Variants in CFH observed in about 807,000 individuals in gnomAD.
CFH encodes the protein complement factor H.
Under a neutral mutation model 147.3 loss-of-function variants are expected in CFH, and 53 were observed. The ratio of observed to expected loss-of-function variants is 0.36; its 90% CI spans 0.29 to 0.45. CFH has a LOEUF of 0.45. Among genes scored for constraint, CFH ranks in the 20% least tolerant of loss-of-function variants. The probability of loss-of-function intolerance (pLI) is 1.00; values close to 1 mark genes in which losing one functional copy is unlikely to be tolerated. For missense variants in CFH, 1,380 were observed against 1,498.0 expected (o/e 0.92, Z 1.30); for synonymous variants, 536 against 489.4 (o/e 1.10, Z -1.26).
intron 18 of CFH, chr1:196,741,501 C>T (rs1428169911): frequency 3.5e-6 from 1 of 282,562 alleles, no homozygotes; most frequent in Non-Finnish European, 6.8e-6. Flanking sequence ...CCAATCACTT[C>T]CCACCAGGTC....
At chr1:196,747,017 T>C in intron 21 of CFH, 94 bp from the exon 22 acceptor site, 1 of 1,570,190 alleles carries the variant, frequency 6.4e-7, no homozygotes. Flanking sequence ...AAATAATTCC[T>C]GAACCATCAT....
At chr1:196,702,346 C>G (rs1412767068) in intron 9 of CFH, among the ~76,000 whole-genome samples, 1 of 152,104 alleles carries the variant, frequency 6.6e-6, no homozygotes, top group East Asian at 1.9e-4. Flanking sequence ...GGGAGTCACT[C>G]TGGTTCTGAG....
chr1:196,660,360 T>C (rs542585389), intron 1 of CFH, among the ~76,000 whole-genome samples: 154 of 152,032 alleles, frequency 1.0e-3, no homozygotes, highest in African/African-American at 3.5e-3. Context: ...AGATAAGGGG[T>C]TCCCAAACCA....
intron 9 of CFH, among the ~76,000 whole-genome samples, chr1:196,691,250 C>A (rs1668013615): frequency 6.6e-6 from 1 of 151,914 alleles, no homozygotes; most frequent in African/African-American, 2.4e-5. Flanking sequence ...CCCAATAATT[C>A]ATATATTCAA....
intron 17 of CFH, among the ~76,000 whole-genome samples, chr1:196,737,901 C>T (rs1287294221): frequency 1.3e-5 from 2 of 152,096 alleles, no homozygotes; most frequent in Non-Finnish European, 2.9e-5. Flanking sequence ...TTAAACCTAT[C>T]TGTATTATTC....
At chr1:196,693,190 A>C (rs1668125720) in intron 9 of CFH, among the ~76,000 whole-genome samples, 1 of 152,102 alleles carries the variant, frequency 6.6e-6, no homozygotes, top group South Asian at 2.1e-4. Context: ...GAGAATATGC[A>C]GAAAAAATTA....
At position 196,672,984 on chromosome 1, in the gene CFH, A is replaced by G. The variant is rs767494411; in HGVS notation, c.65A>G (p.Asn22Ser). The change falls in exon 2 of 22, where the codon AAT (asparagine) becomes AGT (serine). Residue 22 changes from asparagine to serine, a missense_variant. Around this residue, in one of 4 missense-constraint regions of CFH, gnomAD observed 260 missense variants for 263.3 expected, o/e 0.99. Coordinates refer to ENST00000367429, the MANE Select transcript of CFH (RefSeq NM_000186.4). ...TTGTTTTTATTGTTTGTAGATTGCA[A>G]TGAACTTCCTCCAAGAAGAAATACA... ...LWAICVAEDC[N>S]ELPPRRNTEI... The G allele has an allele frequency of 1.2e-6, 2 of 1,613,742 alleles. No individual in the cohort carries two copies. Among genetic ancestry groups the G allele is most frequent in the Non-Finnish European group, 1.7e-6 (2 of 1,179,858 alleles).
At chr1:196,659,844 G>A (rs999647112) in intron 1 of CFH, among the ~76,000 whole-genome samples, 1 of 152,114 alleles carries the variant, frequency 6.6e-6, no homozygotes, top group Non-Finnish European at 1.5e-5. Flanking sequence ...ATAATGGTTA[G>A]AACAAAAGCA....
Position 196,715,445 on chromosome 1 carries a change from A to G in CFH, c.1520-148A>G, listed in dbSNP as rs6677460. ...CTTTTGACAACTATTTTACGACAAC[A>G]AATTCTCACCAGTCATAGATTATTT... is the stretch of plus-strand genomic sequence containing the variant. On this transcript the variant is annotated intron_variant, in intron 10 of 21. Coordinates refer to ENST00000367429, the MANE Select transcript of CFH (RefSeq NM_000186.4). 0.21 allele frequency: 131,692 copies of G among 639,642 alleles called. 15,560 individuals carry two copies. The highest frequency in any genetic ancestry group is 0.35 in the African/African-American group (19,238 of 54,676). The allele number at this position is 639,642 out of a possible 1,614,324, so 39.6% of individuals were successfully genotyped here. A position where few individuals can be genotyped will look rare whatever the true frequency, so the allele number is the denominator to read the frequency against.
chr1:196,727,086 T>C, intron 14 of CFH, 146 bp downstream of exon 14: 2 of 692,354 alleles, frequency 2.9e-6, no homozygotes, highest in Non-Finnish European at 2.6e-6. Context: ...GCATATTGCT[T>C]ATAATTCAAT....
chr1:196,690,892 G>A (rs1036017062), intron 9 of CFH, among the ~76,000 whole-genome samples: 40 of 152,060 alleles, frequency 2.6e-4, no homozygotes, highest in African/African-American at 3.9e-4. Flanking sequence ...TACTGTACAC[G>A]TGGCTGGCAA....
rs1248227157 is a variant in CFH, at chr1:196,746,064, G to T, written c.3493+65G>T. On this transcript the variant is annotated intron_variant, in intron 21 of 21. Transcript: ENST00000367429. The stretch of plus-strand genomic sequence containing the variant: ...TGATGAGTCTGATATTTCACTGTTT[G>T]TAACAAAATACTCACAGATTATTGA... 5 of 1,610,080 alleles carry T rather than the reference G, an allele frequency of 3.1e-6. No individual in the cohort carries two copies. In the Admixed American group the frequency reaches 6.7e-5, roughly 21 times the overall value.
chr1:196,692,777 T>TTCC (rs1558163663), intron 9 of CFH, among the ~76,000 whole-genome samples: 5 of 102,832 alleles, frequency 4.9e-5, no homozygotes, highest in African/African-American at 2.0e-4. Context: ...TTTCTTTCTT[T>TTCC]CTTTCTTTCT....
At chr1:196,656,102 G>A (rs182010395) in intron 1 of CFH, among the ~76,000 whole-genome samples, 2 of 152,114 alleles carry the variant, frequency 1.3e-5, no homozygotes, top group East Asian at 1.9e-4. Context: ...TCAGGAGTTC[G>A]AGACCAGCCT....
rs577781033 is a variant in CFH at position 196,716,285 on chromosome 1, A to G, written c.1696+516A>G. Among the ~76,000 whole-genome samples, 4 of 152,254 alleles carry G rather than the reference A, an allele frequency of 2.6e-5. No individual in the cohort carries two copies. The South Asian group carries it at 8.3e-4, about 32-fold the overall frequency. On this transcript the variant is annotated intron_variant, in intron 11 of 21. Coordinates refer to ENST00000367429, the MANE Select transcript of CFH (RefSeq NM_000186.4). ...GGATTGGCTCTGTGGGAAAACAAGTATATGCAGAGTGTTCCAAGGCAAAGA... is the reference window on the plus strand; with the variant it reads ...GGATTGGCTCTGTGGGAAAACAAGTGTATGCAGAGTGTTCCAAGGCAAAGA...
intron 1 of CFH, among the ~76,000 whole-genome samples, chr1:196,671,223 C>T (rs1204581343): frequency 6.6e-6 from 1 of 151,822 alleles, no homozygotes; most frequent in Non-Finnish European, 1.5e-5. Flanking sequence ...TTTAATGTTC[C>T]TAAAATAGCT....
At chr1:196,726,978 T>A in intron 14 of CFH, 38 bp downstream of exon 14, 1 of 1,566,630 alleles carries the variant, frequency 6.4e-7, no homozygotes, top group Non-Finnish European at 8.8e-7. Context: ...TTAACAAAGT[T>A]TAATATTTTT....
Position 196,740,728 on chromosome 1 carries a change from A to C in CFH, c.2892A>C (p.Gly964=), listed in dbSNP as rs1423843626. The C allele has an allele frequency of 5.6e-6, 9 of 1,613,900 alleles. No individual in the cohort carries two copies. Among genetic ancestry groups the C allele is most frequent in the African/African-American group, 1.3e-5 (1 of 74,900 alleles). Residue 964 remains glycine (G), a synonymous_variant, in exon 18 of 22, where the codon GGA becomes GGC. Coordinates refer to ENST00000367429, the MANE Select transcript of CFH (RefSeq NM_000186.4). ...CGTACAAATGTTTTGAAGGTTTTGGAATTGATGGGCCTGCAATTGCAAAAT... is the reference window on the plus strand; with the variant it reads ...CGTACAAATGTTTTGAAGGTTTTGGCATTGATGGGCCTGCAATTGCAAAAT... ...EVTYKCFEGF[G]IDGPAIAKCL... is the part of the protein sequence containing the mutation.
chr1:196,739,031 G>A (rs191961124), intron 17 of CFH, among the ~76,000 whole-genome samples: 43 of 152,334 alleles, frequency 2.8e-4, no homozygotes, highest in Admixed American at 2.4e-3. Flanking sequence ...CAAGGCTTGG[G>A]GTTTCACCCT....
Sources: allele counts gnomAD v4.1 joint callset (sites outside exome capture counted in the v4.1 genomes callset), GRCh38; gene constraint gnomAD v4.1.1; regional missense constraint gnomAD v4.1.1; transcripts MANE v1.5; gene names NCBI Gene and HGNC (gene_info 2026-07-23, HGNC 2026-07-21).